Variants in BMPR1B observed in about 807,000 individuals in gnomAD.
BMPR1B encodes the protein bone morphogenetic protein receptor type-1B.
Under a neutral mutation model 59.1 loss-of-function variants are expected in BMPR1B, and 12 were observed. The ratio of observed to expected loss-of-function variants is 0.20; its 90% CI spans 0.13 to 0.33. The LOEUF (loss-of-function observed/expected upper bound fraction) is 0.33. BMPR1B is among the 10% of genes least tolerant of loss of function. The probability of loss-of-function intolerance (pLI) is 1.00; values close to 1 mark genes in which losing one functional copy is unlikely to be tolerated. For missense variants in BMPR1B, 550 were observed against 610.9 expected (o/e 0.90, Z 1.05); for synonymous variants, 237 against 207.3 (o/e 1.14, Z -1.23).
At chr4:94,870,989 A>AT (rs537452919) in intron 1 of BMPR1B, among the ~76,000 whole-genome samples, 337 of 150,824 alleles carry the variant, frequency 2.2e-3, no homozygotes, top group African/African-American at 7.6e-3. Context: ...AATGATGATG[A>AT]TTTTTTTGGC....
intron 1 of BMPR1B, among the ~76,000 whole-genome samples, chr4:94,788,246 G>C (rs1045921217): frequency 6.6e-6 from 1 of 152,110 alleles, no homozygotes; most frequent in Admixed American, 6.5e-5. Flanking sequence ...TATTCACTTT[G>C]AGCTTATGAC....
intron 3 of BMPR1B, among the ~76,000 whole-genome samples, chr4:95,083,675 A>G (rs1013508967): frequency 4.6e-5 from 7 of 152,192 alleles, no homozygotes; most frequent in African/African-American, 1.7e-4. Flanking sequence ...TTAGTATTAT[A>G]CTATGCATGC....
chr4:95,031,152 G>C (rs139907820), intron 3 of BMPR1B, among the ~76,000 whole-genome samples: 5 of 151,960 alleles, frequency 3.3e-5, no homozygotes, highest in Non-Finnish European at 5.9e-5. Context: ...AAAACAGCAT[G>C]GTACTGGTAC....
chr4:94,897,266 C>T (rs562081319), intron 2 of BMPR1B, among the ~76,000 whole-genome samples: 3 of 152,088 alleles, frequency 2.0e-5, no homozygotes, highest in South Asian at 2.1e-4. Flanking sequence ...GCGTGGACTC[C>T]GAAACCTTTT....
intron 1 of BMPR1B, among the ~76,000 whole-genome samples, chr4:94,766,883 T>C (rs1721990737): frequency 1.3e-5 from 2 of 152,150 alleles, no homozygotes; most frequent in Admixed American, 1.3e-4. Flanking sequence ...CAAAAGAGCT[T>C]CCTTCCTTAC....
intron 2 of BMPR1B, among the ~76,000 whole-genome samples, chr4:94,919,697 C>G (rs193140876): frequency 1.7e-4 from 26 of 152,274 alleles, no homozygotes; most frequent in African/African-American, 5.8e-4. Context: ...CCAGGGCTTC[C>G]CTTTTCATCA....
chr4:94,852,399 T>A (rs1188818098), intron 1 of BMPR1B, among the ~76,000 whole-genome samples: 2 of 152,156 alleles, frequency 1.3e-5, no homozygotes, highest in Non-Finnish European at 2.9e-5. Flanking sequence ...GATAGAAATT[T>A]TAGCATATAA....
In BMPR1B at chr4:95,124,977, C is replaced by T. The variant is rs781249014; in HGVS notation, c.447-6C>T. On this transcript the variant is annotated splice_polypyrimidine_tract_variant and splice_region_variant and intron_variant, in intron 7 of 12. Transcript: ENST00000515059. Reference sequence around the variant, plus strand: ...TCTAAAATTATCTTCATCTATCCATCTTTAGGTATAAAAGACAAGAAACCA... The same window carrying T: ...TCTAAAATTATCTTCATCTATCCATTTTTAGGTATAAAAGACAAGAAACCA... 2 of 1,609,986 alleles carry T rather than the reference C, an allele frequency of 1.2e-6. No homozygotes were observed. Among genetic ancestry groups the T allele is most frequent in the African/African-American group, 2.7e-5 (2 of 74,910 alleles).
chr4:94,933,079 A>G (rs922492825), intron 2 of BMPR1B, among the ~76,000 whole-genome samples: 2 of 152,104 alleles, frequency 1.3e-5, no homozygotes, highest in African/African-American at 4.8e-5. Context: ...GAGTGTGCAT[A>G]TTATATATAA....
At chr4:94,981,753 T>C (rs1248205758) in intron 2 of BMPR1B, among the ~76,000 whole-genome samples, 1 of 152,228 alleles carries the variant, frequency 6.6e-6, no homozygotes, top group Non-Finnish European at 1.5e-5. Context: ...AAATGGCAAC[T>C]GTGCCTGATA....
At chr4:94,972,610 C>G (rs1456610036) in intron 2 of BMPR1B, among the ~76,000 whole-genome samples, 2 of 150,566 alleles carry the variant, frequency 1.3e-5, no homozygotes, top group African/African-American at 5.0e-5. Context: ...CATCATTGGT[C>G]ACTTAGGTTT....
chr4:94,766,649 A>C (rs1030699275), intron 1 of BMPR1B, among the ~76,000 whole-genome samples: 3 of 151,826 alleles, frequency 2.0e-5, no homozygotes, highest in African/African-American at 7.3e-5. Flanking sequence ...CAAACAAATA[A>C]AATCAGTCAC....
chr4:95,113,507 C>T (rs1731780822), intron 4 of BMPR1B, among the ~76,000 whole-genome samples: 1 of 152,128 alleles, frequency 6.6e-6, no homozygotes, highest in Non-Finnish European at 1.5e-5. Context: ...GTTCTCAGAG[C>T]TTTATTCCCA....
intron 2 of BMPR1B, among the ~76,000 whole-genome samples, chr4:94,899,454 CAT>C (rs1491197022): frequency 6.8e-6 from 1 of 147,056 alleles, no homozygotes; most frequent in Non-Finnish European, 1.5e-5. Flanking sequence ...TACACACACA[CAT>C]ATATATTTAA....
intron 2 of BMPR1B, among the ~76,000 whole-genome samples, chr4:94,946,122 T>C (rs1205727595): frequency 1.3e-5 from 2 of 152,222 alleles, no homozygotes; most frequent in Non-Finnish European, 2.9e-5. Context: ...ATTCATGTAC[T>C]ATTCTTGTCA....
chr4:94,978,975 C>T (rs1421417711), intron 2 of BMPR1B, among the ~76,000 whole-genome samples: 2 of 152,014 alleles, frequency 1.3e-5, no homozygotes, highest in South Asian at 4.2e-4. Context: ...CACACACACA[C>T]ACACGAAAGG....
At chr4:94,849,793 GGTGTGTGTGTGT>G (rs1553912364) in intron 1 of BMPR1B, among the ~76,000 whole-genome samples, 3 of 26,890 alleles carry the variant, frequency 1.1e-4, no homozygotes, top group Non-Finnish European at 2.2e-4. Flanking sequence ...GGGGTTTTTT[GGTGTGTGTGTGT>G]GTGTGTGTGT....
intron 3 of BMPR1B, among the ~76,000 whole-genome samples, chr4:95,043,308 A>G (rs1202440178): frequency 6.6e-6 from 1 of 152,202 alleles, no homozygotes; most frequent in Non-Finnish European, 1.5e-5. Flanking sequence ...AAACCAAATA[A>G]TAAACTAAAG....
In BMPR1B at chr4:95,043,799, G is replaced by A. The variant is rs1211284688; in HGVS notation, c.-18+47665G>A. Reference sequence around the variant, plus strand: ...AATTCCTGGAATGAGCTGTGGGGAGGGGCAACAATAAAACACAAACATTAG... The same window carrying A: ...AATTCCTGGAATGAGCTGTGGGGAGAGGCAACAATAAAACACAAACATTAG... On this transcript the variant is annotated intron_variant, in intron 3 of 12. Transcript: ENST00000515059. Among the ~76,000 whole-genome samples the A allele has an allele frequency of 4.6e-5, 7 of 151,990 alleles. 1 individual carries two copies. The highest frequency in any genetic ancestry group is 8.8e-5 in the Non-Finnish European group (6 of 67,988).
Sources: allele counts gnomAD v4.1 joint callset (sites outside exome capture counted in the v4.1 genomes callset), GRCh38; gene constraint gnomAD v4.1.1; transcripts MANE v1.5; gene names NCBI Gene and HGNC (gene_info 2026-07-23, HGNC 2026-07-21).